The following GCKR variants were observed in gnomAD, a reference collection of about 807,000 sequenced individuals.
The protein encoded by GCKR is glucokinase regulator.
GCKR carries 73 observed loss-of-function variants against 82.9 expected under a neutral mutation model. The observed-to-expected ratio is 0.88, with a 90% CI of 0.73 to 1.07. The LOEUF (loss-of-function observed/expected upper bound fraction) is 1.07, where lower values mean the gene tolerates loss of function less well. Ranked by LOEUF, GCKR falls within the 50% of genes least tolerant of loss-of-function variation. GCKR has a pLI of 0.00. For missense variants in GCKR, 784 were observed against 782.1 expected, an observed-to-expected ratio of 1.00 and a Z score of -0.03; for synonymous variants, 294 against 291.8, an observed-to-expected ratio of 1.01 and a Z score of -0.08.
At chr2:27,501,268 C>T in intron 8 of GCKR, 39 bp downstream of exon 8, 4 of 1,301,054 alleles carry the variant, frequency 3.1e-6, no homozygotes, top group South Asian at 2.4e-5. Flanking sequence ...CTGGGGCAGG[C>T]TGGAGGGGAA....
intron 17 of GCKR, among the ~76,000 whole-genome samples, chr2:27,521,581 T>C (rs902343882): frequency 6.6e-6 from 1 of 151,520 alleles, no homozygotes; most frequent in African/African-American, 2.4e-5. Flanking sequence ...GACCTTGTGA[T>C]CCACCTGCCT....
chr2:27,523,184 C>T (rs1331946586), intron 18 of GCKR, 85 bp from the exon 19 acceptor site: 1 of 1,139,620 alleles, frequency 8.8e-7, no homozygotes, highest in Non-Finnish European at 1.3e-6. Flanking sequence ...CAGGCGTGAG[C>T]CACTGCGCCC....
In GCKR at chr2:27,498,331, C is replaced by T. The variant is rs1316174156; in HGVS notation, c.354+8C>T. 9 of 1,604,894 alleles carry T rather than the reference C, an allele frequency of 5.6e-6. No individual in the cohort carries two copies. The highest frequency in any genetic ancestry group is 4.3e-6 in the Non-Finnish European group (5 of 1,171,678). Reference sequence around the variant, plus strand: ...ATGGCATTCCTCATGTCGGTGAGCACCCTGGTCTCCAGTTTTCTTCCCCCT... The same window carrying T: ...ATGGCATTCCTCATGTCGGTGAGCATCCTGGTCTCCAGTTTTCTTCCCCCT... On this transcript the variant is annotated splice_region_variant and intron_variant, in intron 4 of 18. Transcript: ENST00000264717.
chr2:27,505,182 G>C (rs550021044), intron 9 of GCKR, among the ~76,000 whole-genome samples: 4 of 143,626 alleles, frequency 2.8e-5, no homozygotes, highest in African/African-American at 7.8e-5. Flanking sequence ...GAATCACGAG[G>C]TCAGGAGATC....
intron 10 of GCKR, 40 bp downstream of exon 10, chr2:27,505,876 G>A (rs1669725004): frequency 5.5e-6 from 6 of 1,092,352 alleles, no homozygotes; most frequent in African/African-American, 3.1e-5. Flanking sequence ...AGAGTCAGGC[G>A]AGTGTGAGAT....
At position 27,506,834 on chromosome 2, in the gene GCKR, G is replaced by A; in HGVS notation, c.1015G>A (p.Gly339Ser). 6.2e-7 allele frequency: 1 copy of A among 1,613,620 alleles called. No homozygotes were observed. The highest frequency in any genetic ancestry group is 8.5e-7 in the Non-Finnish European group (1 of 1,179,634). ...GTACCTGGTTGGCTGGCAGACCCTGGGCATCATTGCCATCATGGATGGAGT... is the reference window on the plus strand; with the variant it reads ...GTACCTGGTTGGCTGGCAGACCCTGAGCATCATTGCCATCATGGATGGAGT... ...HVYLVGWQTL[G>S]IIAIMDGVEC... The change falls in exon 12 of 19, where the codon GGC (glycine) becomes AGC (serine). Residue 339 changes from glycine (G) to serine (S), a missense_variant. Coordinates refer to ENST00000264717, the MANE Select transcript of GCKR (RefSeq NM_001486.4).
chr2:27,521,348 T>C (rs1349797376), intron 17 of GCKR, among the ~76,000 whole-genome samples: 1 of 151,660 alleles, frequency 6.6e-6, no homozygotes, highest in Non-Finnish European at 1.5e-5. Context: ...TTTTTTTTTT[T>C]GAGATGGAGT....
chr2:27,519,177 G>T (rs1294113091), intron 17 of GCKR, among the ~76,000 whole-genome samples: 1 of 152,172 alleles, frequency 6.6e-6, no homozygotes, highest in Non-Finnish European at 1.5e-5. Context: ...TGGAAAACGA[G>T]TTTATACTGG....
chr2:27,518,665 C>T (rs1670068973), intron 16 of GCKR, 123 bp from the exon 17 acceptor site: 1 of 821,492 alleles, frequency 1.2e-6, no homozygotes, highest in African/African-American at 1.7e-5. Flanking sequence ...TCAAACAAAT[C>T]ATGTTTGCAT....
At chr2:27,518,409 C>A (rs1361205575) in intron 16 of GCKR, among the ~76,000 whole-genome samples, 5 of 152,148 alleles carry the variant, frequency 3.3e-5, no homozygotes, top group Admixed American at 2.6e-4. Flanking sequence ...GGCCCTGGAG[C>A]AGAATAAGTC....
Position 27,507,334 on chromosome 2 carries a change from G to A in GCKR, c.1143+23G>A, listed in dbSNP as rs748178466. ...CAGGTCGGAGAAGAACAGGACTTGG[G>A]GAAGCTGGGGAGACCACTAGTGTGC... On this transcript the variant is annotated intron_variant, in intron 13 of 18. Transcript: ENST00000264717. 5.4e-6 allele frequency: 8 copies of A among 1,470,072 alleles called. No homozygotes were observed. The Admixed American group carries it at 1.3e-4, about 25-fold the overall frequency. 91.1% of individuals were successfully genotyped at this position (1,470,072 alleles called of 1,614,324 possible).
chr2:27,499,039 G>T (rs1042101999), intron 5 of GCKR, 103 bp from the exon 6 acceptor site: 1 of 788,418 alleles, frequency 1.3e-6, no homozygotes. Flanking sequence ...CTCATTCAAT[G>T]ATAGTTTTCC....
At chr2:27,498,418 C>T in intron 4 of GCKR, 95 bp downstream of exon 4, 3 of 939,070 alleles carry the variant, frequency 3.2e-6, no homozygotes, top group Non-Finnish European at 3.5e-6. Flanking sequence ...CCAGGTGGCC[C>T]CCTCACTAGA....
At chr2:27,506,733 C>T (rs555881148) in intron 11 of GCKR, 55 bp from the exon 12 acceptor site, 6 of 1,211,734 alleles carry the variant, frequency 5.0e-6, no homozygotes, top group Admixed American at 1.7e-5. Flanking sequence ...CTGTGGACAT[C>T]TCTGGCCTCT....
At chr2:27,521,357 G>A (rs1670149216) in intron 17 of GCKR, among the ~76,000 whole-genome samples, 1 of 150,784 alleles carries the variant, frequency 6.6e-6, no homozygotes, top group Non-Finnish European at 1.5e-5. Flanking sequence ...TTGAGATGGA[G>A]TCTCACTCTG....
At position 27,523,365 on chromosome 2, in the gene GCKR, A is replaced by G; in HGVS notation, c.1804A>G (p.Arg602Gly). Residue 602 changes from arginine to glycine, a missense_variant, in exon 19 of 19, where the codon AGG (arginine) becomes GGG (glycine). By Grantham distance (125) the Arg-to-Gly change is moderately radical (BLOSUM62 -2). Coordinates refer to ENST00000264717, the MANE Select transcript of GCKR (RefSeq NM_001486.4). ...AAAPSVCEAVRSALAGPGQKR... is the reference protein window; with the variant it reads ...AAAPSVCEAVGSALAGPGQKR... ...AGCTCCTTCTGTCTGTGAGGCTGTCAGGAGTGCTCTTGCTGGGCCAGGTCA... is the reference window on the plus strand; with the variant it reads ...AGCTCCTTCTGTCTGTGAGGCTGTCGGGAGTGCTCTTGCTGGGCCAGGTCA... 6.2e-7 allele frequency: 1 copy of G among 1,612,692 alleles called. No individual in the cohort carries two copies. Among genetic ancestry groups the G allele is most frequent in the Non-Finnish European group, 8.5e-7 (1 of 1,179,962 alleles).
intron 13 of GCKR, 174 bp downstream of exon 13, chr2:27,507,485 T>G (rs1222395097): frequency 2.9e-6 from 2 of 689,882 alleles, no homozygotes; most frequent in African/African-American, 3.5e-5. Context: ...TGGAAAGCTC[T>G]AGATCCAGTC....
chr2:27,505,554 CCT>C (rs1558436586), intron 9 of GCKR, among the ~76,000 whole-genome samples, 162 bp from the exon 10 acceptor site: 1 of 151,982 alleles, frequency 6.6e-6, no homozygotes. Flanking sequence ...AGGCCCTTCC[CCT>C]CTTTCTAATC....
rs1430968036 is a variant in GCKR, at chr2:27,505,849, T to C, written c.869+13T>C. 1 of 1,347,038 alleles carries C rather than the reference T, an allele frequency of 7.4e-7. No individual in the cohort carries two copies. Among genetic ancestry groups the C allele is most frequent in the Admixed American group, 1.7e-5 (1 of 59,694 alleles). The allele number at this position is 1,347,038 out of a possible 1,614,324, so 83.4% of individuals were successfully genotyped here. The stretch of plus-strand genomic sequence containing the variant: ...CAGCATCTCAAAGGTAGGGAGGATC[T>C]GGATAAGAGAGAGCTCAGAGTCAGG... On this transcript the variant is annotated intron_variant, in intron 10 of 18. Coordinates refer to ENST00000264717, the MANE Select transcript of GCKR (RefSeq NM_001486.4).
Sources: allele counts gnomAD v4.1 joint callset (sites outside exome capture counted in the v4.1 genomes callset), GRCh38; gene constraint gnomAD v4.1.1; transcripts MANE v1.5; gene names NCBI Gene and HGNC (gene_info 2026-07-23, HGNC 2026-07-21).